The following DAB1 variants were observed in gnomAD, a reference collection of about 807,000 sequenced individuals.
The protein encoded by DAB1 is disabled homolog 1.
In DAB1, 15 loss-of-function variants were observed where a neutral mutation model predicts 64.6. The ratio of observed to expected loss-of-function variants is 0.23; its 90% CI spans 0.16 to 0.36. The LOEUF is 0.36. DAB1 is among the 10% of genes least tolerant of loss of function. The probability of loss-of-function intolerance (pLI) is 1.00; values close to 1 mark genes in which losing one functional copy is unlikely to be tolerated. For synonymous variants in DAB1, 235 were observed against 251.9 expected (o/e 0.93, Z 0.64); for missense variants, 596 against 706.7 (o/e 0.84, Z 1.78).
chr1:58,534,268 C>G (rs1273027875), intron 1 of DAB1: 1 of 871,158 alleles, frequency 1.1e-6, no homozygotes, highest in East Asian at 2.4e-5. Context: ...CAAAGCACTT[C>G]TTTAACAGCC....
intron 7 of DAB1, among the ~76,000 whole-genome samples, chr1:57,571,996 T>C (rs1218782789): frequency 6.6e-6 from 1 of 152,078 alleles, no homozygotes; most frequent in East Asian, 1.9e-4. Context: ...TAAAGGAATG[T>C]TGTGAATGTT....
intron 1 of DAB1, among the ~76,000 whole-genome samples, chr1:57,401,228 A>C (rs1166833742): frequency 6.6e-6 from 1 of 152,192 alleles, no homozygotes; most frequent in African/African-American, 2.4e-5. Flanking sequence ...ACATGGTATA[A>C]GTATATAAGC....
At position 57,351,330 on chromosome 1, in the gene DAB1, A is replaced by G. The variant is rs145817577; in HGVS notation, c.-136-60164T>C. On this transcript the variant is annotated intron_variant, in intron 1 of 14. Coordinates refer to ENST00000371236, the MANE Select transcript of DAB1 (RefSeq NM_001365792.1). ...AGTAGGCACAAGTCCAAGAGGAGAC[A>G]CCAAAAAGAACGGAAGTCATTTGGG... is the stretch of plus-strand genomic sequence containing the variant. Among the ~76,000 whole-genome samples the G allele has an allele frequency of 7.6e-3, 1,150 of 152,206 alleles. 5 individuals are homozygous for G. Among genetic ancestry groups the G allele is most frequent in the Admixed American group, 0.012 (177 of 15,290 alleles).
intron 6 of DAB1, among the ~76,000 whole-genome samples, chr1:57,658,968 G>A (rs375919220): frequency 5.9e-5 from 9 of 152,092 alleles, no homozygotes; most frequent in Admixed American, 4.6e-4. Context: ...TCTCATTTTA[G>A]GAACCTTACT....
At position 57,053,660 on chromosome 1, in the gene DAB1, C is replaced by CTCTCTCCT. The variant is rs1399510534; in HGVS notation, c.723+9223_723+9224insAGGAGAGA. Among the ~76,000 whole-genome samples the CTCTCTCCT allele has an allele frequency of 8.6e-5, 10 of 116,696 alleles. No individual in the cohort carries two copies. In the Admixed American group the frequency reaches 1.0e-3, roughly 12 times the overall value. The allele number at this position is 116,696 out of a possible 152,430, so 76.6% of individuals were successfully genotyped here. ...TCTAAGAATCTCTCTCTCTCTCTCT[C>CTCTCTCCT]TATATGTATATATATATATATATAT... On this transcript the variant is annotated intron_variant, in intron 9 of 14. Transcript: ENST00000371236.
intron 14 of DAB1, among the ~76,000 whole-genome samples, chr1:57,009,233 C>T (rs781382678): frequency 1.8e-4 from 28 of 152,150 alleles, no homozygotes; most frequent in Non-Finnish European, 3.4e-4. Context: ...TAAAATACCT[C>T]GTGGGGAATC....
At chr1:57,558,514 G>A (rs1390370013) in intron 7 of DAB1, among the ~76,000 whole-genome samples, 1 of 152,146 alleles carries the variant, frequency 6.6e-6, no homozygotes, top group African/African-American at 2.4e-5. Context: ...CTGGAAAATA[G>A]TCATGGGAAT....
chr1:58,103,607 T>C (rs771950564), intron 5 of DAB1, among the ~76,000 whole-genome samples: 1 of 152,200 alleles, frequency 6.6e-6, no homozygotes, highest in Non-Finnish European at 1.5e-5. Flanking sequence ...TGTCACCATT[T>C]CCATTTTTGA....
chr1:57,867,329 T>A (rs1401603765), intron 1 of DAB1: 2 of 152,100 alleles, frequency 1.3e-5, no homozygotes, highest in Non-Finnish European at 2.9e-5. Flanking sequence ...CACCCCTCAT[T>A]CACTGAAAAG....
At chr1:57,065,280 T>C (rs990750309) in intron 8 of DAB1, among the ~76,000 whole-genome samples, 6 of 152,182 alleles carry the variant, frequency 3.9e-5, no homozygotes, top group Admixed American at 6.5e-5. Context: ...TCTGGTGCAT[T>C]CTTTCATTAA....
intron 4 of DAB1, among the ~76,000 whole-genome samples, chr1:58,270,355 G>A (rs1184176632): frequency 1.4e-5 from 2 of 145,682 alleles, no homozygotes; most frequent in African/African-American, 5.2e-5. Context: ...TTATTTCTGA[G>A]GGCTCTGTTC....
At chr1:57,424,156 C>T (rs1685159274), upstream of DAB1, 1 of 148,638 alleles carries the variant, frequency 6.7e-6, no homozygotes, top group South Asian at 1.8e-4. Context: ...CGCCCCGCCG[C>T]CCCCCGCGCC....
rs566145030 is a variant in DAB1 at position 58,171,258 on chromosome 1, G to A, written n.310-20670C>T. ...CAATTTGGAAGGGTAAAAAATGCCCGCCCAGTCCAAATCAGGCTTAAAGAC... is the reference window on the plus strand; with the variant it reads ...CAATTTGGAAGGGTAAAAAATGCCCACCCAGTCCAAATCAGGCTTAAAGAC... On this transcript the variant is annotated intron_variant and non_coding_transcript_variant, in intron 4 of 20. Coordinates refer to the DAB1 transcript ENST00000485760. Among the ~76,000 whole-genome samples, 68 of 152,232 alleles carry A rather than the reference G, an allele frequency of 4.5e-4. 1 individual carries two copies. In the East Asian group the frequency reaches 8.9e-3, roughly 20 times the overall value.
intron 3 of DAB1, among the ~76,000 whole-genome samples, chr1:57,137,423 A>G (rs1388338105): frequency 6.6e-6 from 1 of 152,180 alleles, no homozygotes; most frequent in African/African-American, 2.4e-5. Flanking sequence ...TGCTAGATGA[A>G]TATGTGCTAT....
chr1:57,935,683 G>A (rs998939674), intron 5 of DAB1, among the ~76,000 whole-genome samples: 4 of 152,184 alleles, frequency 2.6e-5, no homozygotes, highest in Non-Finnish European at 4.4e-5. Flanking sequence ...GCTAAGGTCA[G>A]TTGAGGGGTC....
intron 1 of DAB1, among the ~76,000 whole-genome samples, chr1:57,310,854 T>A (rs560593105): frequency 1.3e-5 from 2 of 152,144 alleles, no homozygotes; most frequent in Admixed American, 1.3e-4. Flanking sequence ...GATAGAGAGA[T>A]GGGCATGGTC....
chr1:57,389,230 C>T (rs945581734), intron 1 of DAB1, among the ~76,000 whole-genome samples: 17 of 152,186 alleles, frequency 1.1e-4, no homozygotes, highest in African/African-American at 4.1e-4. Context: ...TTTTCATCTG[C>T]CCTTCACACC....
chr1:57,906,975 G>A (rs1336869579), intron 5 of DAB1, among the ~76,000 whole-genome samples: 1 of 148,812 alleles, frequency 6.7e-6, no homozygotes, highest in African/African-American at 2.6e-5. Flanking sequence ...TAGATAGATA[G>A]ATAGATAGAT....
chr1:57,585,055 C>T (rs1274081848), intron 7 of DAB1, among the ~76,000 whole-genome samples: 1 of 151,096 alleles, frequency 6.6e-6, no homozygotes, highest in Non-Finnish European at 1.5e-5. Context: ...TCGAGACCAG[C>T]CTGGCCAACA....
Sources: allele counts gnomAD v4.1 joint callset (sites outside exome capture counted in the v4.1 genomes callset), GRCh38; gene constraint gnomAD v4.1.1; transcripts MANE v1.5; gene names NCBI Gene and HGNC (gene_info 2026-07-23, HGNC 2026-07-21).